ARMH3: variants seen among roughly 807,000 people sequenced by gnomAD.
ARMH3 encodes the protein armadillo like helical domain containing 3, also known as armadillo-like helical domain-containing protein 3.
A neutral mutation model predicts 99.1 loss-of-function variants in ARMH3; 60 were observed. That is an observed-to-expected ratio of 0.61 (90% CI 0.49 to 0.75). ARMH3 has a LOEUF of 0.75. ARMH3 is among the 30% of genes least tolerant of loss of function. The pLI is 0.00. For missense variants in ARMH3, 679 were observed against 843.1 expected (o/e 0.81, Z 2.41); for synonymous variants, 285 against 292.8 (o/e 0.97, Z 0.27).
At chr10:102,029,856 G>A in intron 4 of ARMH3, 111 bp from the exon 5 acceptor site, 1 of 1,096,680 alleles carries the variant, frequency 9.1e-7, no homozygotes, top group South Asian at 1.6e-5. Flanking sequence ...CAATTTCTCT[G>A]AGTTCTGAGC....
intron 20 of ARMH3, among the ~76,000 whole-genome samples, chr10:101,968,295 G>T (rs1845624421): frequency 6.6e-6 from 1 of 151,936 alleles, no homozygotes; most frequent in Non-Finnish European, 1.5e-5. Flanking sequence ...TTTCCTAAAG[G>T]AGTGATAGCC....
chr10:102,010,595 G>A (rs1040953717), intron 11 of ARMH3, among the ~76,000 whole-genome samples: 5 of 152,182 alleles, frequency 3.3e-5, no homozygotes, highest in African/African-American at 1.2e-4. Context: ...GGAGTAGGCT[G>A]CCTCTAATGT....
At chr10:101,975,352 T>C (rs369939492) in intron 19 of ARMH3, 52 bp from the exon 20 acceptor site, 37 of 1,400,758 alleles carry the variant, frequency 2.6e-5, no homozygotes, top group East Asian at 9.3e-5. Context: ...ATAGTGCAAC[T>C]CACCAGAGAT....
intron 19 of ARMH3, among the ~76,000 whole-genome samples, chr10:101,988,264 G>A (rs367903504): frequency 2.3e-4 from 35 of 152,278 alleles, no homozygotes; most frequent in African/African-American, 8.2e-4. Flanking sequence ...AATCTCCTGA[G>A]CCTCAGTTTC....
At chr10:101,895,161 G>A (rs907212134) in intron 23 of ARMH3, among the ~76,000 whole-genome samples, 3 of 152,094 alleles carry the variant, frequency 2.0e-5, no homozygotes, top group Non-Finnish European at 4.4e-5. Context: ...AAATGGTACT[G>A]GGACAAGTAG....
chr10:101,910,811 G>A (rs1842835793), intron 23 of ARMH3, among the ~76,000 whole-genome samples: 2 of 150,430 alleles, frequency 1.3e-5, no homozygotes, highest in South Asian at 4.2e-4. Context: ...CCCAAGCCAT[G>A]CCCACACACA....
chr10:102,003,273 C>CT (rs1171643627), intron 14 of ARMH3, among the ~76,000 whole-genome samples: 4 of 152,036 alleles, frequency 2.6e-5, no homozygotes, highest in Non-Finnish European at 4.4e-5. Flanking sequence ...AGCAATTCTC[C>CT]TGCCTCCGCC....
At chr10:102,035,639 C>T (rs1350685684) in intron 2 of ARMH3, among the ~76,000 whole-genome samples, 4 of 152,246 alleles carry the variant, frequency 2.6e-5, no homozygotes, top group Non-Finnish European at 5.9e-5. Context: ...CTCCTAACCG[C>T]GAGTGATCCG....
chr10:101,873,247 CAA>C (rs759511606), intron 24 of ARMH3, among the ~76,000 whole-genome samples: 4 of 121,778 alleles, frequency 3.3e-5, no homozygotes, highest in Admixed American at 8.4e-5. Flanking sequence ...ACTAAAAATA[CAA>C]AAAAAAAAAA....
chr10:101,875,766 A>T (rs2067245111), intron 24 of ARMH3, among the ~76,000 whole-genome samples: 1 of 152,108 alleles, frequency 6.6e-6, no homozygotes, highest in Non-Finnish European at 1.5e-5. Flanking sequence ...ACATGACTTT[A>T]ATTTCCCTGG....
chr10:101,911,893 G>A (rs774429846), intron 23 of ARMH3, among the ~76,000 whole-genome samples: 2 of 152,074 alleles, frequency 1.3e-5, no homozygotes, highest in Non-Finnish European at 2.9e-5. Context: ...AAAATTACCT[G>A]GGAGTGGTGG....
intron 16 of ARMH3, among the ~76,000 whole-genome samples, chr10:101,994,034 G>A (rs1359518302): frequency 6.6e-6 from 1 of 152,198 alleles, no homozygotes; most frequent in Non-Finnish European, 1.5e-5. Context: ...GTGCTCTGCT[G>A]GGAATGGGTT....
At chr10:101,996,888 G>T (rs1431674137) in intron 15 of ARMH3, among the ~76,000 whole-genome samples, 1 of 152,092 alleles carries the variant, frequency 6.6e-6, no homozygotes, top group South Asian at 2.1e-4. Context: ...TATTATAAAG[G>T]TTGAGCAGAA....
chr10:101,920,024 C>T (rs1843243766), intron 23 of ARMH3, among the ~76,000 whole-genome samples: 1 of 152,122 alleles, frequency 6.6e-6, no homozygotes, highest in Non-Finnish European at 1.5e-5. Flanking sequence ...TAGATCAGGC[C>T]CAACCAATAT....
chr10:102,039,365 G>C (rs1006120012), intron 2 of ARMH3, among the ~76,000 whole-genome samples: 1 of 151,994 alleles, frequency 6.6e-6, no homozygotes, highest in Non-Finnish European at 1.5e-5. Flanking sequence ...GGCTGGTCTC[G>C]AACTCTTGAC....
At chr10:102,033,198 G>C (rs1458228932) in intron 3 of ARMH3, 26 bp from the exon 4 acceptor site, 47 of 1,613,866 alleles carry the variant, frequency 2.9e-5, no homozygotes, top group Non-Finnish European at 4.0e-5. Context: ...ATAAGGGGCA[G>C]AGTGCATTTT....
chr10:101,957,701 T>A lies in ARMH3; in HGVS notation c.1527A>T (p.Ser509=). 6.2e-7 allele frequency: 1 copy of A among 1,603,984 alleles called. No homozygotes were observed. The highest frequency in any genetic ancestry group is 1.7e-5 in the Admixed American group (1 of 58,684). ...ALINLLKFLM[S]NETVLLAKHN... Reference sequence around the variant, plus strand: ...GTTTGGCCAAAAGTACAGTCTCATTTGACATAAGGAACTTCAGCAAATTTA... The same window carrying A: ...GTTTGGCCAAAAGTACAGTCTCATTAGACATAAGGAACTTCAGCAAATTTA... The change falls in exon 21 of 26, where the codon TCA becomes TCT. Residue 509 remains serine (S), a synonymous_variant. Transcript: ENST00000370033.
At chr10:101,866,391 G>T (rs2067003541) in intron 24 of ARMH3, among the ~76,000 whole-genome samples, 1 of 151,712 alleles carries the variant, frequency 6.6e-6, no homozygotes, top group Non-Finnish European at 1.5e-5. Flanking sequence ...ACAAGAAGAG[G>T]CTGAATTGCT....
chr10:102,031,028 C>G (rs2067119689), intron 4 of ARMH3, among the ~76,000 whole-genome samples: 1 of 152,066 alleles, frequency 6.6e-6, no homozygotes, highest in Admixed American at 6.6e-5. Context: ...CAGTGATCTG[C>G]CCCCCTCAGC....
Sources: allele counts gnomAD v4.1 joint callset (sites outside exome capture counted in the v4.1 genomes callset), GRCh38; gene constraint gnomAD v4.1.1; transcripts MANE v1.5; gene names NCBI Gene and HGNC (gene_info 2026-07-23, HGNC 2026-07-21).